Variants in DPP6 observed in about 807,000 individuals in gnomAD.
DPP6 encodes A-type potassium channel modulatory protein DPP6.
In DPP6, 69 loss-of-function variants were observed where a neutral mutation model predicts 122.6. The ratio of observed to expected loss-of-function variants is 0.56; its 90% CI spans 0.46 to 0.69. The LOEUF is 0.69. Among genes scored for constraint, DPP6 ranks in the 30% least tolerant of loss-of-function variants. DPP6 has a pLI of 0.00. For missense variants in DPP6, 928 were observed against 1,116.9 expected (o/e 0.83, Z 2.41); for synonymous variants, 418 against 433.1 (o/e 0.97, Z 0.43).
chr7:153,941,579 AAG>A (rs1021929086), intron 1 of DPP6, among the ~76,000 whole-genome samples: 3 of 152,184 alleles, frequency 2.0e-5, no homozygotes, highest in African/African-American at 4.8e-5. Context: ...AAAAGGAAGG[AAG>A]AAACAGGAAA....
chr7:154,239,761 T>C (rs1801453541), intron 1 of DPP6, among the ~76,000 whole-genome samples: 1 of 148,644 alleles, frequency 6.7e-6, no homozygotes, highest in Non-Finnish European at 1.5e-5. Flanking sequence ...TCACTTGAAG[T>C]CAGGAGTTTG....
At chr7:154,685,326 A>G (rs11771711) in intron 7 of DPP6, among the ~76,000 whole-genome samples, 52,588 of 152,142 alleles carry the variant, frequency 0.35, 9,062 homozygotes, top group East Asian at 0.5. Flanking sequence ...CAAAAGGTTT[A>G]TGGTGGCAGA....
At chr7:154,879,162 G>A (rs1023634497) in intron 20 of DPP6, among the ~76,000 whole-genome samples, 3 of 152,218 alleles carry the variant, frequency 2.0e-5, no homozygotes, top group African/African-American at 7.2e-5. Flanking sequence ...AAGACTGGGG[G>A]CTGGGCATGG....
At chr7:154,074,409 CTTA>C (rs1233427033) in intron 1 of DPP6, among the ~76,000 whole-genome samples, 2 of 152,066 alleles carry the variant, frequency 1.3e-5, no homozygotes, top group African/African-American at 2.4e-5. Context: ...TAGATGGCAA[CTTA>C]TTATAAAGTC....
At chr7:153,797,383 T>A in the DPP6 span, among the ~76,000 whole-genome samples, 1 of 152,056 alleles carries the variant, frequency 6.6e-6, no homozygotes, top group African/African-American at 2.4e-5. Context: ...GAGAAAAGGA[T>A]GGAGAGTGTG....
At chr7:154,178,624 A>G (rs992666927) in intron 1 of DPP6, among the ~76,000 whole-genome samples, 1 of 152,184 alleles carries the variant, frequency 6.6e-6, no homozygotes, top group African/African-American at 2.4e-5. Flanking sequence ...AGACATAGAC[A>G]TCTGTCTGTT....
chr7:153,875,232 A>G, the DPP6 span, among the ~76,000 whole-genome samples: 5 of 152,222 alleles, frequency 3.3e-5, no homozygotes, highest in African/African-American at 1.2e-4. Flanking sequence ...ATGAAAATAA[A>G]TGCCAAAATA....
chr7:154,345,175 T>A (rs1810289029), intron 1 of DPP6, among the ~76,000 whole-genome samples: 1 of 152,006 alleles, frequency 6.6e-6, no homozygotes, highest in African/African-American at 2.4e-5. Flanking sequence ...TGGTGAGGGC[T>A]CTCTTCTTGG....
At chr7:154,663,545 G>A (rs1230482717) in intron 6 of DPP6, among the ~76,000 whole-genome samples, 1 of 42,712 alleles carries the variant, frequency 2.3e-5, no homozygotes, top group African/African-American at 4.4e-5. Context: ...ATATAGTCAT[G>A]GTGAATCACC....
the DPP6 span, among the ~76,000 whole-genome samples, chr7:153,879,976 TTTTC>T: frequency 2.0e-5 from 3 of 152,192 alleles, no homozygotes; most frequent in Non-Finnish European, 4.4e-5. Flanking sequence ...CCTTCTAAAT[TTTTC>T]TTTCTTTTGA....
chr7:154,329,440 G>A (rs1451332896), intron 1 of DPP6, among the ~76,000 whole-genome samples: 1 of 152,140 alleles, frequency 6.6e-6, no homozygotes, highest in African/African-American at 2.4e-5. Context: ...CTTTTTGATT[G>A]GCTTATTTGT....
chr7:154,150,316 G>C (rs1796346678), intron 1 of DPP6, among the ~76,000 whole-genome samples: 1 of 152,152 alleles, frequency 6.6e-6, no homozygotes, highest in African/African-American at 2.4e-5. Flanking sequence ...TTGACTTACA[G>C]AGGAAGCCCT....
chr7:153,808,878 G>T, the DPP6 span, among the ~76,000 whole-genome samples: 1 of 152,000 alleles, frequency 6.6e-6, no homozygotes, highest in African/African-American at 2.4e-5. Context: ...TTGAGATAAT[G>T]ATTTCATTTT....
intron 1 of DPP6, among the ~76,000 whole-genome samples, chr7:154,431,083 A>C (rs185573181): frequency 6.6e-6 from 1 of 152,270 alleles, no homozygotes; most frequent in Admixed American, 6.5e-5. Context: ...GAGACAGTGC[A>C]CCTCAAGGGA....
intron 5 of DPP6, among the ~76,000 whole-genome samples, chr7:154,612,837 A>G (rs1833993576): frequency 7.4e-6 from 1 of 134,784 alleles, no homozygotes. Flanking sequence ...AGGCATTCTA[A>G]TAGGACTTGT....
At chr7:154,072,279 G>A (rs1050700234) in intron 1 of DPP6, among the ~76,000 whole-genome samples, 1 of 152,204 alleles carries the variant, frequency 6.6e-6, no homozygotes, top group Non-Finnish European at 1.5e-5. Flanking sequence ...GCTCTTCTTT[G>A]AAGAATCAAT....
the DPP6 span, among the ~76,000 whole-genome samples, chr7:153,783,940 T>C: frequency 6.6e-6 from 1 of 152,376 alleles, no homozygotes; most frequent in Non-Finnish European, 1.5e-5. Context: ...CATAGCTACA[T>C]GTGGCAACAT....
At chr7:154,464,170 G>A (rs1392499112) in intron 2 of DPP6, among the ~76,000 whole-genome samples, 2 of 152,204 alleles carry the variant, frequency 1.3e-5, no homozygotes, top group African/African-American at 4.8e-5. Flanking sequence ...GGCTAGGGCT[G>A]GTCTCAGTGC....
chr7:154,444,232 C>A (rs535563585), intron 1 of DPP6, among the ~76,000 whole-genome samples: 103 of 151,736 alleles, frequency 6.8e-4, no homozygotes, highest in Middle Eastern at 3.4e-3. Flanking sequence ...CCGAGGCGGG[C>A]GGATCGCAAG....
Sources: gnomAD v4.1 joint callset for allele counts (sites outside exome capture counted in the v4.1 genomes callset) on GRCh38, gnomAD v4.1.1 for gene constraint, MANE v1.5 for transcripts, NCBI Gene and HGNC (gene_info 2026-07-23, HGNC 2026-07-21) for gene names.